Variants in ZC3H15 observed in about 807,000 individuals in gnomAD.
The protein encoded by ZC3H15 is zinc finger CCCH domain-containing protein 15.
In ZC3H15, 15 loss-of-function variants were observed where a neutral mutation model predicts 51.2. That is an observed-to-expected ratio of 0.29 (90% CI 0.20 to 0.45). The LOEUF is 0.45. ZC3H15 is among the 20% of genes least tolerant of loss of function. The pLI, the probability that ZC3H15 is intolerant of heterozygous loss-of-function variation, is 1.00. For synonymous variants in ZC3H15, 144 were observed against 162.8 expected (o/e 0.88, Z 0.88); for missense variants, 381 against 494.7 (o/e 0.77, Z 2.18).
At chr2:186,492,513 C>A (rs1685216510) in intron 1 of ZC3H15, among the ~76,000 whole-genome samples, 1 of 152,086 alleles carries the variant, frequency 6.6e-6, no homozygotes. Flanking sequence ...ATGAAACAAG[C>A]ATTTAAGTAG....
chr2:186,494,396 C>T (rs1036616251), intron 1 of ZC3H15, among the ~76,000 whole-genome samples: 1 of 152,148 alleles, frequency 6.6e-6, no homozygotes, highest in African/African-American at 2.4e-5. Context: ...AATGTATCTT[C>T]CTCTTCTTAT....
Position 186,508,779 on chromosome 2 carries a change from G to C in ZC3H15, c.*46G>C. ...AAATTAAGTCAGCTCAGCACGAGTTGAAATTGACTACATTAATTTCTTTCC... is the reference window on the plus strand; with the variant it reads ...AAATTAAGTCAGCTCAGCACGAGTTCAAATTGACTACATTAATTTCTTTCC... On this transcript the variant is annotated 3_prime_UTR_variant, in exon 10 of 10. Transcript: ENST00000337859. 1 of 1,570,820 alleles carries C rather than the reference G, an allele frequency of 6.4e-7. No homozygotes were observed.
Position 186,500,239 on chromosome 2 carries a change from C to A in ZC3H15, c.235C>A (p.Gln79Lys). 2 of 1,613,494 alleles carry A rather than the reference C, an allele frequency of 1.2e-6. No homozygotes were observed. The highest frequency in any genetic ancestry group is 1.7e-6 in the Non-Finnish European group (2 of 1,179,772). The change falls in exon 3 of 10, where the codon CAG (glutamine) becomes AAG (lysine). Residue 79 changes from glutamine to lysine, a missense_variant. Gln to Lys is a moderately conservative substitution (Grantham distance 53). Around this residue, in one of 3 missense-constraint regions of ZC3H15, gnomAD observed 125 missense variants for 166.3 expected, o/e 0.75. Coordinates refer to ENST00000337859, the MANE Select transcript of ZC3H15 (RefSeq NM_018471.3). ...LKKDDKKKEL[Q>K]ELNELFKPVV... ...GAAGGATGACAAGAAGAAAGAATTG[C>A]AGGAGCTAAATGAGCTGTTCAAACC... is the stretch of plus-strand genomic sequence containing the variant.
At chr2:186,496,952 A>G (rs1685291532) in intron 2 of ZC3H15, among the ~76,000 whole-genome samples, 1 of 152,160 alleles carries the variant, frequency 6.6e-6, no homozygotes, top group Non-Finnish European at 1.5e-5. Flanking sequence ...CTTTTCCCCA[A>G]AATGGTATAC....
Position 186,507,404 on chromosome 2 carries a change from A to G in ZC3H15, c.1090+568A>G, listed in dbSNP as rs138051281. On this transcript the variant is annotated intron_variant, in intron 9 of 9. Coordinates refer to ENST00000337859, the MANE Select transcript of ZC3H15 (RefSeq NM_018471.3). ...CTCTCTTAATGTTTAGAGGGAAGAC[A>G]TGGTCATGGGAAGGGCTTTTTAGGA... 1,821 of 456,698 alleles carry G rather than the reference A, an allele frequency of 4.0e-3. 28 individuals carry two copies. Among genetic ancestry groups the G allele is most frequent in the African/African-American group, 0.033 (1,652 of 50,182 alleles). The allele number at this position is 456,698 out of a possible 1,614,324, so 28.3% of individuals were successfully genotyped here. A position where few individuals can be genotyped will look rare whatever the true frequency, so the allele number is the denominator to read the frequency against.
chr2:186,494,354 CATTT>C (rs1229510143), intron 1 of ZC3H15, among the ~76,000 whole-genome samples: 1 of 152,112 alleles, frequency 6.6e-6, no homozygotes, highest in African/African-American at 2.4e-5. Context: ...GAGAGGATAA[CATTT>C]ATTAACTAAA....
chr2:186,499,932 A>G (rs1685350273), intron 2 of ZC3H15, among the ~76,000 whole-genome samples: 1 of 152,184 alleles, frequency 6.6e-6, no homozygotes, highest in South Asian at 2.1e-4. Flanking sequence ...AATGCTGAGC[A>G]TGTAGTAAGT....
intron 8 of ZC3H15, 30 bp downstream of exon 8, chr2:186,505,871 T>C (rs1685458667): frequency 1.9e-6 from 3 of 1,601,802 alleles, no homozygotes; most frequent in African/African-American, 2.7e-5. Context: ...CTCATCTCCT[T>C]ATGTTAATTG....
Position 186,505,477 on chromosome 2 carries a change from C to A in ZC3H15, c.744C>A (p.Thr248=). ...GTTCTGCCCTAGGTCCAAATGTTAC[C>A]AAAATCACTCTAGAATCTTTTCTTG... ...RERSALGPNV[T]KITLESFLAW... Residue 248 remains threonine, a synonymous_variant, in exon 7 of 10, where the codon ACC becomes ACA. Coordinates refer to ENST00000337859, the MANE Select transcript of ZC3H15 (RefSeq NM_018471.3). The A allele has an allele frequency of 6.4e-7, 1 of 1,573,772 alleles. No individual in the cohort carries two copies. The highest frequency in any genetic ancestry group is 8.6e-7 in the Non-Finnish European group (1 of 1,165,848).
intron 6 of ZC3H15, 106 bp downstream of exon 6, chr2:186,504,320 A>AG (rs1000166880): frequency 1.2e-5 from 11 of 942,150 alleles, no homozygotes; most frequent in African/African-American, 1.7e-5. Context: ...GAAAAAAAAA[A>AG]TATTGTGATC....
At chr2:186,500,403 G>A (rs1685361472) in intron 3 of ZC3H15, 110 bp downstream of exon 3, 3 of 958,100 alleles carry the variant, frequency 3.1e-6, no homozygotes, top group Non-Finnish European at 4.7e-6. Context: ...ATGTCTGAAT[G>A]AAAATGTTAC....
intron 3 of ZC3H15, chr2:186,500,531 AT>A (rs1275458169): frequency 8.0e-6 from 5 of 625,764 alleles, no homozygotes; most frequent in Middle Eastern, 2.5e-4. Flanking sequence ...AAAATTAGTA[AT>A]TTAATAGACT....
chr2:186,498,763 T>A (rs575555072), intron 2 of ZC3H15, among the ~76,000 whole-genome samples: 14 of 152,196 alleles, frequency 9.2e-5, no homozygotes, highest in Non-Finnish European at 1.8e-4. Flanking sequence ...CATTTTATGT[T>A]GATTTTCTTC....
rs1685359143 is a variant in ZC3H15, at chr2:186,500,284, A to T, written c.280A>T (p.Ile94Leu). Residue 94 changes from isoleucine (I) to leucine (L), a missense_variant, in exon 3 of 10, where the codon ATA becomes TTA. Ile to Leu is a conservative substitution (Grantham distance 5, BLOSUM62 2). Around this residue, in one of 3 missense-constraint regions of ZC3H15, gnomAD observed 125 missense variants for 166.3 expected, o/e 0.75. Coordinates refer to ENST00000337859, the MANE Select transcript of ZC3H15 (RefSeq NM_018471.3). ...CAAACCTGTAGTTGCTGCTCAAAAA[A>T]TAAGTAAAGGTAAACTTAAAATTTC... ...LFKPVVAAQK[I>L]SKGADPKSVV... 1 of 1,604,852 alleles carries T rather than the reference A, an allele frequency of 6.2e-7. No individual in the cohort carries two copies. Among genetic ancestry groups the T allele is most frequent in the Non-Finnish European group, 8.5e-7 (1 of 1,177,384 alleles).
At chr2:186,502,163 A>T (rs1178886061) in intron 4 of ZC3H15, among the ~76,000 whole-genome samples, 4 of 152,242 alleles carry the variant, frequency 2.6e-5, no homozygotes, top group Admixed American at 1.3e-4. Flanking sequence ...CAGCATAGGC[A>T]ACATAATGAG....
intron 1 of ZC3H15, among the ~76,000 whole-genome samples, chr2:186,490,200 T>G (rs964344759): frequency 6.6e-6 from 1 of 152,244 alleles, no homozygotes; most frequent in Admixed American, 6.5e-5. Context: ...GGATTATGGT[T>G]CTGTTAGAAA....
At chr2:186,507,830 TG>T (rs918254340) in intron 9 of ZC3H15, among the ~76,000 whole-genome samples, 17 of 152,220 alleles carry the variant, frequency 1.1e-4, no homozygotes, top group African/African-American at 4.1e-4. Flanking sequence ...ACTTGCTCTT[TG>T]TAGAAGTAGG....
intron 6 of ZC3H15, chr2:186,504,976 T>C (rs1054860732): frequency 6.6e-6 from 1 of 152,626 alleles, no homozygotes; most frequent in Non-Finnish European, 1.5e-5. Flanking sequence ...GTGCATAGTG[T>C]GTGTAAAGCA....
chr2:186,501,477 T>G, intron 4 of ZC3H15, 52 bp downstream of exon 4: 1 of 1,468,028 alleles, frequency 6.8e-7, no homozygotes, highest in Non-Finnish European at 9.3e-7. Flanking sequence ...TACTTTCGGT[T>G]TGCTACTAAG....
Sources: allele counts gnomAD v4.1 joint callset (sites outside exome capture counted in the v4.1 genomes callset), GRCh38; gene constraint gnomAD v4.1.1; regional missense constraint gnomAD v4.1.1; transcripts MANE v1.5; gene names NCBI Gene and HGNC (gene_info 2026-07-23, HGNC 2026-07-21).